Variants in PIK3CB observed in about 807,000 individuals in gnomAD.
The protein encoded by PIK3CB is phosphatidylinositol-4,5-bisphosphate 3-kinase catalytic subunit beta.
In PIK3CB, 39 loss-of-function variants were observed where a neutral mutation model predicts 136.8. The observed-to-expected ratio is 0.29, with a 90% CI of 0.22 to 0.37. PIK3CB has a LOEUF of 0.37. Among genes scored for constraint, PIK3CB ranks in the 10% least tolerant of loss-of-function variants. The probability of loss-of-function intolerance (pLI) is 1.00; values close to 1 mark genes in which losing one functional copy is unlikely to be tolerated. For missense variants in PIK3CB, 868 were observed against 1,275.4 expected, an observed-to-expected ratio of 0.68 and a Z score of 4.87; for synonymous variants, 428 against 436.6, an observed-to-expected ratio of 0.98 and a Z score of 0.25.
chr3:138,717,523 T>C (rs1196435626), intron 8 of PIK3CB, among the ~76,000 whole-genome samples: 1 of 111,584 alleles, frequency 9.0e-6, no homozygotes. Context: ...AAAATAGAAA[T>C]TTTTTGTGGT....
At chr3:138,791,291 C>T (rs1399388438) in intron 2 of PIK3CB, among the ~76,000 whole-genome samples, 2 of 152,024 alleles carry the variant, frequency 1.3e-5, no homozygotes, top group East Asian at 1.9e-4. Context: ...TACAGGCATG[C>T]GCCACCACGC....
At chr3:138,809,172 G>C (rs1028128518) in intron 1 of PIK3CB, among the ~76,000 whole-genome samples, 1 of 151,846 alleles carries the variant, frequency 6.6e-6, no homozygotes, top group African/African-American at 2.4e-5. Flanking sequence ...CAGCTACTCA[G>C]GAAGCTGAGG....
At chr3:138,805,577 C>T (rs1170514254) in intron 1 of PIK3CB, among the ~76,000 whole-genome samples, 2 of 151,070 alleles carry the variant, frequency 1.3e-5, no homozygotes, top group Non-Finnish European at 3.0e-5. Flanking sequence ...GAGGATGAGG[C>T]AGGAGAATGG....
At chr3:138,713,304 C>T (rs1163886660) in intron 9 of PIK3CB, among the ~76,000 whole-genome samples, 2 of 151,372 alleles carry the variant, frequency 1.3e-5, no homozygotes, top group South Asian at 2.1e-4. Flanking sequence ...TGGGCCACTG[C>T]GCCTAGCCTA....
chr3:138,804,621 C>T (rs1020410915), intron 1 of PIK3CB, among the ~76,000 whole-genome samples: 4 of 152,184 alleles, frequency 2.6e-5, no homozygotes, highest in African/African-American at 7.2e-5. Context: ...AACAAAATCG[C>T]TGTAAAATAA....
At chr3:138,698,578 A>G (rs1382485900) in intron 13 of PIK3CB, among the ~76,000 whole-genome samples, 5 of 152,216 alleles carry the variant, frequency 3.3e-5, no homozygotes, top group Non-Finnish European at 7.3e-5. Context: ...CAAAGAGTCT[A>G]AAAGATTTAA....
intron 23 of PIK3CB, 58 bp from the exon 24 acceptor site, chr3:138,655,584 T>A (rs1310576985): frequency 7.2e-7 from 1 of 1,393,884 alleles, no homozygotes; most frequent in East Asian, 2.3e-5. Context: ...TGTGCAAATA[T>A]CAAAGTCTGC....
chr3:138,761,093 C>T (rs1020488608), intron 2 of PIK3CB, among the ~76,000 whole-genome samples: 1 of 152,034 alleles, frequency 6.6e-6, no homozygotes, highest in African/African-American at 2.4e-5. Flanking sequence ...TACAATCGTC[C>T]GTGTCTGTCT....
At chr3:138,819,224 G>A (rs981197712) in intron 1 of PIK3CB, among the ~76,000 whole-genome samples, 1 of 152,176 alleles carries the variant, frequency 6.6e-6, no homozygotes, top group Non-Finnish European at 1.5e-5. Flanking sequence ...GCACGTGCCT[G>A]TAGTCCCAGC....
At chr3:138,763,232 A>AGT (rs2045686983) in intron 2 of PIK3CB, among the ~76,000 whole-genome samples, 1 of 152,082 alleles carries the variant, frequency 6.6e-6, no homozygotes, top group Admixed American at 6.5e-5. Flanking sequence ...TCTGCCTCCC[A>AGT]GGTTCAAGCA....
chr3:138,713,182 ATT>A (rs759403523), intron 9 of PIK3CB, among the ~76,000 whole-genome samples: 11 of 143,064 alleles, frequency 7.7e-5, no homozygotes, highest in Admixed American at 2.1e-4. Flanking sequence ...CTTTTAGGGT[ATT>A]TTTTTTTTTT....
chr3:138,809,119 CA>C (rs1036950110), intron 1 of PIK3CB, among the ~76,000 whole-genome samples: 5 of 148,324 alleles, frequency 3.4e-5, no homozygotes, highest in East Asian at 2.0e-4. Context: ...ACTAAAAATG[CA>C]AAAAAAAATT....
intron 19 of PIK3CB, among the ~76,000 whole-genome samples, chr3:138,669,187 G>A (rs748499822): frequency 2.0e-5 from 3 of 152,028 alleles, no homozygotes; most frequent in African/African-American, 4.8e-5. Context: ...CAAGGTGGGC[G>A]GACTGCTTGA....
At chr3:138,770,480 T>A (rs2045785390) in intron 2 of PIK3CB, 1 of 151,840 alleles carries the variant, frequency 6.6e-6, no homozygotes. Flanking sequence ...GGGGCTGAGG[T>A]GGACGGATCA....
At chr3:138,826,593 C>T (rs889748780) in intron 1 of PIK3CB, among the ~76,000 whole-genome samples, 3 of 129,384 alleles carry the variant, frequency 2.3e-5, no homozygotes, top group Non-Finnish European at 4.7e-5. Context: ...GACCAAAAAT[C>T]GGTCACAGAA....
intron 1 of PIK3CB, among the ~76,000 whole-genome samples, chr3:138,832,664 CA>C (rs1180284880): frequency 6.6e-6 from 1 of 151,490 alleles, no homozygotes; most frequent in Non-Finnish European, 1.5e-5. Context: ...CCGTCTCTAC[CA>C]AAAAAAGTAC....
chr3:138,707,770 A>C (rs1355112377), intron 10 of PIK3CB: 1 of 158,666 alleles, frequency 6.3e-6, no homozygotes, highest in Non-Finnish European at 1.4e-5. Flanking sequence ...CTGCTGACAG[A>C]AAATACCTTC....
intron 1 of PIK3CB, among the ~76,000 whole-genome samples, chr3:138,816,594 CAAAA>C (rs1559890003): frequency 1.3e-4 from 9 of 69,748 alleles, no homozygotes; most frequent in Admixed American, 4.8e-4. Flanking sequence ...GAGTTTGTCT[CAAAA>C]TAAATAAATA....
chr3:138,816,530 G>A (rs1251723759), intron 1 of PIK3CB, among the ~76,000 whole-genome samples: 2 of 152,056 alleles, frequency 1.3e-5, no homozygotes, highest in East Asian at 1.9e-4. Flanking sequence ...GGAGGCCAGA[G>A]GTTGCAGTGA....
Sources: allele counts gnomAD v4.1 joint callset (sites outside exome capture counted in the v4.1 genomes callset), GRCh38; gene constraint gnomAD v4.1.1; transcripts MANE v1.5; gene names NCBI Gene and HGNC (gene_info 2026-07-23, HGNC 2026-07-21).